Variants in FANCB observed in about 807,000 individuals in gnomAD.
The protein encoded by FANCB is FA complementation group B.
In FANCB, 5 loss-of-function variants were observed where a neutral mutation model predicts 38.9. The observed-to-expected ratio is 0.13, with a 90% confidence interval of 0.07 to 0.27. The LOEUF is 0.27. Among genes scored for constraint, FANCB ranks in the 10% least tolerant of loss-of-function variants. The pLI is 1.00. For missense variants in FANCB, 573 were observed against 602.7 expected, an observed-to-expected ratio of 0.95 and a Z score of 0.52; for synonymous variants, 236 against 215.4, an observed-to-expected ratio of 1.10 and a Z score of -0.84.
the FANCB span, among the ~76,000 whole-genome samples, chrX:14,791,327 G>C: frequency 9.0e-6 from 1 of 111,474 alleles, no homozygotes; most frequent in South Asian, 3.8e-4. Flanking sequence ...CAAGGAGAAT[G>C]TCATGTGAAG....
chrX:14,861,908 G>T (rs752638099), intron 3 of FANCB, among the ~76,000 whole-genome samples: 1 of 110,286 alleles, frequency 9.1e-6, no homozygotes, highest in Admixed American at 9.6e-5. Context: ...GCAGCGGGGC[G>T]ATCTCAGCTC....
At chrX:14,744,531 A>G in the FANCB span, among the ~76,000 whole-genome samples, 7 of 112,167 alleles carry the variant, frequency 6.2e-5, no homozygotes, top group Non-Finnish European at 1.1e-4. Flanking sequence ...TTTTTAGAGC[A>G]TCAATGAACA....
chrX:14,709,736 A>G, the FANCB span, among the ~76,000 whole-genome samples: 2 of 111,694 alleles, frequency 1.8e-5, no homozygotes, highest in African/African-American at 6.5e-5. Context: ...CTGCAGTCCA[A>G]TGCTCTACCT....
chrX:14,703,808 T>C, the FANCB span, among the ~76,000 whole-genome samples: 5 of 111,591 alleles, frequency 4.5e-5, no homozygotes, highest in African/African-American at 1.6e-4. Flanking sequence ...TCTCAGTCTC[T>C]CAGAGGTTTG....
At chrX:14,689,683 G>A in the FANCB span, among the ~76,000 whole-genome samples, 1 of 112,050 alleles carries the variant, frequency 8.9e-6, no homozygotes, top group Non-Finnish European at 1.9e-5. Context: ...TGGCTGGCAA[G>A]CACTTGACAG....
At chrX:14,810,702 A>C in the FANCB span, among the ~76,000 whole-genome samples, 1,566 of 112,054 alleles carry the variant, frequency 0.014, 25 homozygotes, top group African/African-American at 0.041. Context: ...GGTGTACCTG[A>C]AAGTGACAGG....
At chrX:14,730,790 T>TCAGA in the FANCB span, 1 of 237,425 alleles carries the variant, frequency 4.2e-6, no homozygotes, top group African/African-American at 2.8e-5. Context: ...TGCGCATCAT[T>TCAGA]CAGACATGAT....
the FANCB span, among the ~76,000 whole-genome samples, chrX:14,827,876 G>T: frequency 9.0e-6 from 1 of 111,426 alleles, no homozygotes; most frequent in Admixed American, 9.6e-5. Flanking sequence ...TACTCTTGAT[G>T]ATTCTAGTTC....
chrX:14,705,819 T>A, the FANCB span, among the ~76,000 whole-genome samples: 2 of 112,070 alleles, frequency 1.8e-5, no homozygotes, highest in Non-Finnish European at 3.8e-5. Flanking sequence ...TATGATTTAA[T>A]TGCTTTTCAA....
chrX:14,752,849 G>A, the FANCB span, among the ~76,000 whole-genome samples: 1 of 110,323 alleles, frequency 9.1e-6, no homozygotes, highest in Non-Finnish European at 1.9e-5. Context: ...TACAAGAATA[G>A]TACAAATAAC....
chrX:14,696,527 C>T, the FANCB span, among the ~76,000 whole-genome samples: 1 of 111,432 alleles, frequency 9.0e-6, no homozygotes, highest in Non-Finnish European at 1.9e-5. Context: ...TATTGAAGAT[C>T]CCCCAATAAA....
chrX:14,695,755 C>T, the FANCB span, among the ~76,000 whole-genome samples: 1 of 111,765 alleles, frequency 8.9e-6, no homozygotes, highest in Non-Finnish European at 1.9e-5. Context: ...TAACTAATAG[C>T]TCCTATCATG....
chrX:14,742,599 G>A, the FANCB span, among the ~76,000 whole-genome samples: 5 of 111,804 alleles, frequency 4.5e-5, no homozygotes, highest in African/African-American at 1.3e-4. Context: ...CCTACCCACC[G>A]TTAATTAATA....
the FANCB span, among the ~76,000 whole-genome samples, chrX:14,815,493 A>G: frequency 1.8e-5 from 2 of 112,806 alleles, no homozygotes; most frequent in African/African-American, 6.4e-5. Flanking sequence ...CAGAATGGCT[A>G]TTATTTAAAA....
At chrX:14,822,672 A>G in the FANCB span, among the ~76,000 whole-genome samples, 1 of 111,558 alleles carries the variant, frequency 9.0e-6, no homozygotes, top group Non-Finnish European at 1.9e-5. Context: ...CAACTTCAGC[A>G]GAAGACTTGT....
chrX:14,786,132 C>G, the FANCB span, among the ~76,000 whole-genome samples: 2 of 111,215 alleles, frequency 1.8e-5, no homozygotes, highest in East Asian at 5.7e-4. Flanking sequence ...CTTTATACTC[C>G]TACATCAACT....
the FANCB span, among the ~76,000 whole-genome samples, chrX:14,735,099 C>T: frequency 9.2e-6 from 1 of 108,758 alleles, no homozygotes; most frequent in African/African-American, 3.4e-5. Flanking sequence ...ATGTTCTTCT[C>T]TAAACTGGTT....
intron 1 of FANCB, among the ~76,000 whole-genome samples, chrX:14,870,733 T>C (rs2092492381): frequency 8.9e-6 from 1 of 111,825 alleles, no homozygotes; most frequent in Non-Finnish European, 1.9e-5. Flanking sequence ...TAAATGCTCA[T>C]AAATCATTTT....
chrX:14,715,673 A>G, the FANCB span, among the ~76,000 whole-genome samples: 4 of 111,546 alleles, frequency 3.6e-5, no homozygotes, highest in Non-Finnish European at 7.5e-5. Context: ...GACTTGAAGG[A>G]GTTTACCAGG....
Sources: allele counts gnomAD v4.1 joint callset (sites outside exome capture counted in the v4.1 genomes callset), GRCh38; gene constraint gnomAD v4.1.1; transcripts MANE v1.5; gene names NCBI Gene and HGNC (gene_info 2026-07-23, HGNC 2026-07-21).